The following LRRC4C variants were observed in gnomAD, a reference collection of about 807,000 sequenced individuals.
The protein encoded by LRRC4C is leucine-rich repeat-containing protein 4C.
Under a neutral mutation model 33.6 loss-of-function variants are expected in LRRC4C, and 5 were observed. That is an observed-to-expected ratio of 0.15 (90% confidence interval 0.08 to 0.31). LRRC4C has a LOEUF of 0.31. Among genes scored for constraint, LRRC4C ranks in the 10% least tolerant of loss-of-function variants. The probability of loss-of-function intolerance (pLI) is 1.00; values close to 1 mark genes in which losing one functional copy is unlikely to be tolerated. For missense variants in LRRC4C, 560 were observed against 796.7 expected, an observed-to-expected ratio of 0.70 and a Z score of 3.58; for synonymous variants, 329 against 302.0, an observed-to-expected ratio of 1.09 and a Z score of -0.93.
At chr11:40,800,055 G>A (rs1290333809) in intron 2 of LRRC4C, among the ~76,000 whole-genome samples, 1 of 152,168 alleles carries the variant, frequency 6.6e-6, no homozygotes, top group African/African-American at 2.4e-5. Context: ...CAATGTTTTA[G>A]TACAGATATT....
chr11:40,662,258 A>G (rs1943477763), intron 2 of LRRC4C, among the ~76,000 whole-genome samples: 1 of 152,164 alleles, frequency 6.6e-6, no homozygotes, highest in Admixed American at 6.5e-5. Context: ...CCTGAAGCCC[A>G]TATCTTATTC....
At chr11:41,393,931 G>C (rs977788291) in intron 1 of LRRC4C, among the ~76,000 whole-genome samples, 1 of 151,884 alleles carries the variant, frequency 6.6e-6, no homozygotes, top group African/African-American at 2.4e-5. Flanking sequence ...TATTAATTAG[G>C]CTACCTTTAG....
chr11:40,242,950 T>C (rs551604786), intron 4 of LRRC4C, among the ~76,000 whole-genome samples: 5 of 152,212 alleles, frequency 3.3e-5, no homozygotes, highest in Non-Finnish European at 5.9e-5. Context: ...TAAGATTTTT[T>C]ATTCCAGTCT....
chr11:41,317,293 T>G (rs979509032), intron 1 of LRRC4C, among the ~76,000 whole-genome samples: 2 of 152,146 alleles, frequency 1.3e-5, no homozygotes, highest in Admixed American at 1.3e-4. Context: ...AATATCGATT[T>G]CAAATGATAA....
chr11:41,442,712 G>T (rs904350754), intron 1 of LRRC4C, among the ~76,000 whole-genome samples: 2 of 151,762 alleles, frequency 1.3e-5, no homozygotes, highest in South Asian at 2.1e-4. Flanking sequence ...CTCGTGATCC[G>T]CCCGCCTTTG....
intron 1 of LRRC4C, among the ~76,000 whole-genome samples, chr11:41,242,595 T>A (rs907204852): frequency 1.3e-5 from 2 of 152,176 alleles, no homozygotes; most frequent in Non-Finnish European, 2.9e-5. Flanking sequence ...TTATAAATTA[T>A]TAAGCATCAC....
At chr11:40,292,265 C>A (rs1797580552) in intron 4 of LRRC4C, 1 of 152,020 alleles carries the variant, frequency 6.6e-6, no homozygotes, top group Admixed American at 6.6e-5. Flanking sequence ...AACGCATGAT[C>A]TTGATACCAA....
At chr11:40,346,134 G>C (rs750846865) in intron 3 of LRRC4C, among the ~76,000 whole-genome samples, 1 of 152,012 alleles carries the variant, frequency 6.6e-6, no homozygotes, top group Non-Finnish European at 1.5e-5. Flanking sequence ...TGCAGAAGAC[G>C]GTGTGGTGAT....
intron 1 of LRRC4C, among the ~76,000 whole-genome samples, chr11:41,111,501 C>T (rs1329580990): frequency 6.6e-6 from 1 of 151,964 alleles, no homozygotes; most frequent in East Asian, 1.9e-4. Context: ...TTAATTTATT[C>T]TATGAAAATA....
chr11:41,267,454 C>A (rs528522030), intron 1 of LRRC4C, among the ~76,000 whole-genome samples: 5 of 152,184 alleles, frequency 3.3e-5, no homozygotes, highest in African/African-American at 1.2e-4. Context: ...AAGGGGAAAC[C>A]CATCCACATA....
chr11:40,389,840 T>A (rs1949268701), intron 3 of LRRC4C, among the ~76,000 whole-genome samples: 1 of 152,164 alleles, frequency 6.6e-6, no homozygotes, highest in Non-Finnish European at 1.5e-5. Flanking sequence ...AGGAGGAAGA[T>A]AAGTCACCAA....
chr11:41,031,820 T>A (rs745693629), intron 1 of LRRC4C, among the ~76,000 whole-genome samples: 3 of 152,028 alleles, frequency 2.0e-5, no homozygotes, highest in Non-Finnish European at 2.9e-5. Context: ...TAAATTGGGC[T>A]GTTCCCCAAT....
chr11:41,246,124 G>A (rs1047746769), intron 1 of LRRC4C, among the ~76,000 whole-genome samples: 9 of 152,106 alleles, frequency 5.9e-5, no homozygotes, highest in South Asian at 2.1e-4. Flanking sequence ...TCCTGCTGCC[G>A]TTTATCTGCC....
At chr11:40,137,188 G>C (rs1317233904) in intron 6 of LRRC4C, among the ~76,000 whole-genome samples, 1 of 151,842 alleles carries the variant, frequency 6.6e-6, no homozygotes, top group Non-Finnish European at 1.5e-5. Context: ...GTGTGTGTGT[G>C]TGTATGTGAG....
chr11:41,155,435 G>A (rs1449045805), intron 1 of LRRC4C, among the ~76,000 whole-genome samples: 1 of 152,128 alleles, frequency 6.6e-6, no homozygotes, highest in Non-Finnish European at 1.5e-5. Context: ...GTTCAGTGAA[G>A]TGGCTGTTGA....
intron 4 of LRRC4C, among the ~76,000 whole-genome samples, chr11:40,314,733 T>C (rs1856632779): frequency 1.3e-5 from 2 of 152,110 alleles, no homozygotes; most frequent in Non-Finnish European, 2.9e-5. Flanking sequence ...AAGAATAAAA[T>C]TCTGTCATTT....
rs193102688 is a variant in LRRC4C, at chr11:40,731,778, G to A, written c.-406-83500C>T. On this transcript the variant is annotated intron_variant, in intron 2 of 6. Transcript: ENST00000528697. The stretch of plus-strand genomic sequence containing the variant: ...ATCAGAAACAGATGGGGAAGAAAAT[G>A]CCATCTCATTAGTAGGTCACAGTTA... Among the ~76,000 whole-genome samples, 15 of 152,238 alleles carry A rather than the reference G, an allele frequency of 9.9e-5. 1 individual carries two copies. In the East Asian group the frequency reaches 2.1e-3, roughly 22 times the overall value.
At chr11:41,139,376 A>G (rs192684602) in intron 1 of LRRC4C, among the ~76,000 whole-genome samples, 2 of 152,310 alleles carry the variant, frequency 1.3e-5, no homozygotes, top group East Asian at 3.9e-4. Flanking sequence ...TCTTTCAGTG[A>G]TAATATTTTA....
At chr11:40,816,768 T>C (rs528648308) in intron 2 of LRRC4C, among the ~76,000 whole-genome samples, 4 of 152,252 alleles carry the variant, frequency 2.6e-5, no homozygotes, top group Admixed American at 2.0e-4. Context: ...AACTTTTAAA[T>C]AACCTTAAAA....
Sources: allele counts gnomAD v4.1 joint callset (sites outside exome capture counted in the v4.1 genomes callset), GRCh38; gene constraint gnomAD v4.1.1; transcripts MANE v1.5; gene names NCBI Gene and HGNC (gene_info 2026-07-23, HGNC 2026-07-21).